GPAM: variants seen among roughly 807,000 people sequenced by gnomAD.
The protein encoded by GPAM is glycerol-3-phosphate acyltransferase 1, mitochondrial.
GPAM carries 56 observed loss-of-function variants against 105.0 expected under a neutral mutation model. That is an observed-to-expected ratio of 0.53 (90% CI 0.43 to 0.67). GPAM has a LOEUF of 0.67. Among genes scored for constraint, GPAM ranks in the 30% least tolerant of loss-of-function variants. The pLI is 0.00. For synonymous variants in GPAM, 368 were observed against 354.4 expected, an observed-to-expected ratio of 1.04 and a Z score of -0.43; for missense variants, 855 against 989.8, an observed-to-expected ratio of 0.86 and a Z score of 1.83.
intron 21 of GPAM, 192 bp downstream of exon 21, chr10:112,154,437 C>T: frequency 1.6e-6 from 1 of 613,766 alleles, no homozygotes; most frequent in Non-Finnish European, 2.9e-6. Context: ...AATAAATCTA[C>T]ACTGATGGGC....
upstream of GPAM, among the ~76,000 whole-genome samples, chr10:112,185,341 T>A (rs1300142986): frequency 6.7e-6 from 1 of 150,170 alleles, no homozygotes. Flanking sequence ...GAAAAAAAAA[T>A]CAACCAATTG....
the GPAM span, among the ~76,000 whole-genome samples, chr10:112,227,303 C>G: frequency 6.6e-6 from 1 of 152,186 alleles, no homozygotes; most frequent in Non-Finnish European, 1.5e-5. Context: ...TCCATTACAC[C>G]TGACCTTTGA....
intron 9 of GPAM, among the ~76,000 whole-genome samples, chr10:112,170,521 G>A (rs1368257490): frequency 6.6e-6 from 1 of 152,198 alleles, no homozygotes; most frequent in Non-Finnish European, 1.5e-5. Flanking sequence ...AACCAAATGT[G>A]AAGGAAATGG....
intron 1 of GPAM, among the ~76,000 whole-genome samples, chr10:112,206,686 G>A (rs980496879): frequency 8.8e-6 from 1 of 113,714 alleles, no homozygotes; most frequent in East Asian, 3.2e-4. Flanking sequence ...GGGGGAGGGG[G>A]GAGGGATAGC....
At chr10:112,195,189 C>T (rs190746948) in intron 1 of GPAM, among the ~76,000 whole-genome samples, 32 of 152,240 alleles carry the variant, frequency 2.1e-4, no homozygotes, top group Admixed American at 5.9e-4. Context: ...TTTGAAAATG[C>T]ATCATGCCAA....
At chr10:112,198,524 C>G (rs1847752271) in intron 1 of GPAM, among the ~76,000 whole-genome samples, 1 of 152,152 alleles carries the variant, frequency 6.6e-6, no homozygotes, top group Non-Finnish European at 1.5e-5. Flanking sequence ...TCCATTTCAG[C>G]AGTTTCATAA....
chr10:112,154,963 G>C, intron 20 of GPAM: 1 of 519,626 alleles, frequency 1.9e-6, no homozygotes, highest in Non-Finnish European at 3.5e-6. Flanking sequence ...AGGGAGAACA[G>C]AGGGAAGTAG....
chr10:112,216,320 C>A (rs1485790986), upstream of GPAM, among the ~76,000 whole-genome samples: 1 of 152,232 alleles, frequency 6.6e-6, no homozygotes, highest in African/African-American at 2.4e-5. Flanking sequence ...GTGAGCCAAA[C>A]CTGGCACAGT....
chr10:112,158,611 G>C (rs1199063824), intron 17 of GPAM, among the ~76,000 whole-genome samples: 1 of 152,068 alleles, frequency 6.6e-6, no homozygotes, highest in Non-Finnish European at 1.5e-5. Flanking sequence ...AGTTGGCAGA[G>C]CACCCAACAC....
In GPAM at chr10:112,190,499, T is replaced by TAAAAAA. The variant is rs11446981; in HGVS notation, n.211-7614_211-7609dup. Among the ~76,000 whole-genome samples the TAAAAAA allele has an allele frequency of 4.2e-4, 57 of 135,938 alleles. No individual in the cohort carries two copies. The East Asian group carries it at 0.011, about 27-fold the overall frequency. 89.2% of individuals were successfully genotyped at this position (135,938 alleles called of 152,430 possible). ...TGGGCAACAGAGTGAGACTCCATCT[T>TAAAAAA]AAAAAAAAAAAAAAAGAAAAGAAAG... On this transcript the variant is annotated intron_variant and non_coding_transcript_variant, in intron 1 of 3. Coordinates refer to the GPAM transcript ENST00000480130.
chr10:112,201,473 C>G (rs2133295290), intron 1 of GPAM, among the ~76,000 whole-genome samples: 1 of 152,306 alleles, frequency 6.6e-6, no homozygotes, highest in Non-Finnish European at 1.5e-5. Context: ...CTCTATCACT[C>G]TCCCTTGCCT....
upstream of GPAM, among the ~76,000 whole-genome samples, chr10:112,218,209 T>C (rs993389143): frequency 6.6e-6 from 1 of 152,228 alleles, no homozygotes; most frequent in Non-Finnish European, 1.5e-5. Flanking sequence ...AGGTGAACTC[T>C]GGGTGAAAGC....
At chr10:112,204,826 G>T (rs1847841243) in intron 1 of GPAM, among the ~76,000 whole-genome samples, 1 of 142,538 alleles carries the variant, frequency 7.0e-6, no homozygotes, top group Admixed American at 7.1e-5. Context: ...GGGCAATCAG[G>T]CAGGAGAAGG....
chr10:112,167,360 TA>T, intron 11 of GPAM, among the ~76,000 whole-genome samples: 1 of 152,332 alleles, frequency 6.6e-6, no homozygotes, highest in Middle Eastern at 3.4e-3. Flanking sequence ...CAGTACCTAC[TA>T]AAGCTGAAAA....
Position 112,151,906 on chromosome 10 carries a change from A to G in GPAM, c.*1644T>C. ...TTCAACATCAGAGCTACTACAACTG[A>G]CAATGACTTCATGGTATACATCAAT... On this transcript the variant is annotated 3_prime_UTR_variant, in exon 22 of 22. Coordinates refer to ENST00000348367, the MANE Select transcript of GPAM (RefSeq NM_001244949.2). 1.4e-5 allele frequency: 14 copies of G among 978,532 alleles called. No homozygotes were observed. Among genetic ancestry groups the G allele is most frequent in the Non-Finnish European group, 1.7e-5 (14 of 823,650 alleles). 60.6% of individuals were successfully genotyped at this position (978,532 alleles called of 1,614,324 possible). A position where few individuals can be genotyped will look rare whatever the true frequency, so the allele number is the denominator to read the frequency against.
At chr10:112,223,212 C>A in the GPAM span, among the ~76,000 whole-genome samples, 3,510 of 152,248 alleles carry the variant, frequency 0.023, 61 homozygotes, top group Non-Finnish European at 0.037. Flanking sequence ...AATTCTGCTC[C>A]ATTTCCTTTC....
chr10:112,185,252 C>T (rs1847578149), upstream of GPAM, among the ~76,000 whole-genome samples: 1 of 151,784 alleles, frequency 6.6e-6, no homozygotes, highest in Non-Finnish European at 1.5e-5. Context: ...TAAAAATAAC[C>T]AACACCTAAC....
At chr10:112,185,487 T>TAAAA (rs35521996), upstream of GPAM, among the ~76,000 whole-genome samples, 7 of 140,080 alleles carry the variant, frequency 5.0e-5, no homozygotes, top group Admixed American at 1.4e-4. Context: ...GAAAAATCTT[T>TAAAA]AAAAAAAAAA....
chr10:112,185,940 A>C (rs551378263), upstream of GPAM, among the ~76,000 whole-genome samples: 1 of 152,102 alleles, frequency 6.6e-6, no homozygotes, highest in Admixed American at 6.5e-5. Flanking sequence ...TGAGGTGAGA[A>C]TAGATTAGGG....
Sources: allele counts gnomAD v4.1 joint callset (sites outside exome capture counted in the v4.1 genomes callset), GRCh38; gene constraint gnomAD v4.1.1; transcripts MANE v1.5; gene names NCBI Gene and HGNC (gene_info 2026-07-23, HGNC 2026-07-21).